The following MNAT1 variants were observed in gnomAD, a reference collection of about 807,000 sequenced individuals.
MNAT1 encodes the protein CDK-activating kinase assembly factor MAT1.
In MNAT1, 43 loss-of-function variants were observed where a neutral mutation model predicts 42.0. The observed-to-expected ratio is 1.02, with a 90% CI of 0.80 to 1.32. MNAT1 has a LOEUF of 1.32. Among genes scored for constraint, MNAT1 ranks in the 40% most tolerant of loss-of-function variants. The pLI, the probability that MNAT1 is intolerant of heterozygous loss-of-function variation, is 0.00. For synonymous variants in MNAT1, 118 were observed against 120.0 expected (o/e 0.98, Z 0.11); for missense variants, 306 against 350.4 (o/e 0.87, Z 1.01).
intron 1 of MNAT1, chr14:60,779,834 G>C (rs2031390861): frequency 1.7e-6 from 1 of 604,892 alleles, no homozygotes; most frequent in South Asian, 2.2e-5. Flanking sequence ...TTTCCTGCTA[G>C]AGTGAACTTA....
At chr14:60,847,130 A>C (rs1019604801) in intron 6 of MNAT1, among the ~76,000 whole-genome samples, 3 of 152,152 alleles carry the variant, frequency 2.0e-5, no homozygotes, top group African/African-American at 7.2e-5. Context: ...TTTGCCGGGC[A>C]CGGTGGCTCA....
At chr14:60,873,623 C>T (rs2034375550) in intron 6 of MNAT1, among the ~76,000 whole-genome samples, 1 of 143,120 alleles carries the variant, frequency 7.0e-6, no homozygotes, top group African/African-American at 2.6e-5. Context: ...TGAACACCAC[C>T]ATGCCTGGCT....
intron 1 of MNAT1, among the ~76,000 whole-genome samples, chr14:60,791,436 TATAAATTTTTTCTCAGGATTTGGA>T (rs1353565315): frequency 5.9e-5 from 9 of 152,162 alleles, no homozygotes; most frequent in Non-Finnish European, 1.3e-4. Flanking sequence ...AGGTAGTTTA[TATAAATTTTTTCTCAGGATTTGGA>T]ATACATAGAT....
chr14:60,946,667 G>A (rs757544570), intron 7 of MNAT1, among the ~76,000 whole-genome samples: 8 of 151,878 alleles, frequency 5.3e-5, no homozygotes, highest in Non-Finnish European at 8.8e-5. Context: ...TGTGTGTATG[G>A]TAGGCTCTTT....
chr14:60,925,919 G>A (rs2035754670), intron 7 of MNAT1, among the ~76,000 whole-genome samples: 2 of 152,170 alleles, frequency 1.3e-5, no homozygotes, highest in Non-Finnish European at 1.5e-5. Context: ...TCACAGAAAT[G>A]CCAGAGTAAT....
intron 5 of MNAT1, among the ~76,000 whole-genome samples, chr14:60,816,432 A>G (rs914806456): frequency 6.6e-6 from 1 of 152,072 alleles, no homozygotes; most frequent in African/African-American, 2.4e-5. Context: ...GTATGGGCTA[A>G]TATTGTTGTC....
At chr14:60,851,206 A>G (rs913760136) in intron 6 of MNAT1, among the ~76,000 whole-genome samples, 1 of 152,200 alleles carries the variant, frequency 6.6e-6, no homozygotes, top group African/African-American at 2.4e-5. Context: ...CATCCAAGTT[A>G]AGAAACAATC....
intron 1 of MNAT1, among the ~76,000 whole-genome samples, chr14:60,780,951 G>T (rs57237709): frequency 1.3e-5 from 2 of 152,170 alleles, no homozygotes; most frequent in African/African-American, 2.4e-5. Flanking sequence ...GCTTGACTCA[G>T]TATAGGTAGG....
chr14:60,945,821 T>C (rs977000347), intron 7 of MNAT1, among the ~76,000 whole-genome samples: 1 of 152,142 alleles, frequency 6.6e-6, no homozygotes, highest in African/African-American at 2.4e-5. Flanking sequence ...GGTGGCTTCT[T>C]CTCTCACATC....
chr14:60,742,063 A>G (rs2140284533), intron 1 of MNAT1, among the ~76,000 whole-genome samples: 1 of 151,734 alleles, frequency 6.6e-6, no homozygotes, highest in Non-Finnish European at 1.5e-5. Context: ...ATTAGCCGGT[A>G]GCTTTTTATT....
At chr14:60,840,523 C>G (rs554501558) in intron 6 of MNAT1, among the ~76,000 whole-genome samples, 1 of 152,260 alleles carries the variant, frequency 6.6e-6, no homozygotes, top group East Asian at 1.9e-4. Context: ...GAATCATGGC[C>G]TTGGTGTAAA....
At position 60,745,090 on chromosome 14, in the gene MNAT1, C is replaced by T. The variant is rs4151160; in HGVS notation, c.89+10139C>T. On this transcript the variant is annotated intron_variant, in intron 1 of 7. Coordinates refer to ENST00000261245, the MANE Select transcript of MNAT1 (RefSeq NM_002431.4). Reference sequence around the variant, plus strand: ...CAACTACCCTGCATTCTGATCTCTGCCTATTTGGCTTAGCACAATCACTAT... The same window carrying T: ...CAACTACCCTGCATTCTGATCTCTGTCTATTTGGCTTAGCACAATCACTAT... 3.7e-3 allele frequency among the ~76,000 whole-genome samples: 557 copies of T among 152,326 alleles called. 4 individuals are homozygous for T. The highest frequency in any genetic ancestry group is 0.012 in the African/African-American group (519 of 41,578).
intron 3 of MNAT1, among the ~76,000 whole-genome samples, chr14:60,803,338 A>G (rs2032269604): frequency 6.6e-6 from 1 of 152,196 alleles, no homozygotes; most frequent in Admixed American, 6.5e-5. Context: ...ATTTGTGTTA[A>G]TCAGAAGTAT....
chr14:60,909,851 T>G (rs1004262793), intron 7 of MNAT1, among the ~76,000 whole-genome samples: 1 of 152,034 alleles, frequency 6.6e-6, no homozygotes, highest in Non-Finnish European at 1.5e-5. Context: ...TTTTTTCCAA[T>G]TCTGTGAAGA....
intron 6 of MNAT1, among the ~76,000 whole-genome samples, chr14:60,868,521 T>C (rs189731917): frequency 1.1e-4 from 17 of 152,280 alleles, no homozygotes; most frequent in Admixed American, 6.5e-4. Context: ...CACTACCATC[T>C]TTTTTGTTGT....
chr14:60,811,805 A>G (rs1018036552), intron 4 of MNAT1, among the ~76,000 whole-genome samples, 182 bp from the exon 5 acceptor site: 8 of 152,174 alleles, frequency 5.3e-5, no homozygotes, highest in African/African-American at 1.9e-4. Context: ...GTTTTATTTA[A>G]TAGTAACGTG....
intron 1 of MNAT1, among the ~76,000 whole-genome samples, chr14:60,788,939 C>G (rs552757892): frequency 6.6e-6 from 1 of 152,124 alleles, no homozygotes. Context: ...GTGTCATTGG[C>G]GCAGTGCTTT....
chr14:60,863,900 G>T (rs950934628), intron 6 of MNAT1, among the ~76,000 whole-genome samples: 8 of 152,026 alleles, frequency 5.3e-5, no homozygotes, highest in African/African-American at 1.9e-4. Context: ...ATTTACTTCT[G>T]CATTGCCAGG....
intron 1 of MNAT1, among the ~76,000 whole-genome samples, chr14:60,748,112 C>T (rs1290152200): frequency 6.6e-6 from 1 of 151,952 alleles, no homozygotes; most frequent in Non-Finnish European, 1.5e-5. Context: ...CAGGAGAATC[C>T]CTTGAACCTG....
Sources: allele counts gnomAD v4.1 joint callset (sites outside exome capture counted in the v4.1 genomes callset), GRCh38; gene constraint gnomAD v4.1.1; transcripts MANE v1.5; gene names NCBI Gene and HGNC (gene_info 2026-07-23, HGNC 2026-07-21).